Variants in ROBO2 observed in about 807,000 individuals in gnomAD.
ROBO2 encodes roundabout homolog 2.
In ROBO2, 53 loss-of-function variants were observed where a neutral mutation model predicts 160.8. That is an observed-to-expected ratio of 0.33 (90% CI 0.26 to 0.41). The LOEUF (loss-of-function observed/expected upper bound fraction) is 0.41, where lower values mean the gene tolerates loss of function less well. Ranked by LOEUF, ROBO2 falls within the 10% of genes least tolerant of loss-of-function variation. ROBO2 has a pLI of 1.00. For synonymous variants in ROBO2, 664 were observed against 611.7 expected, an observed-to-expected ratio of 1.09 and a Z score of -1.26; for missense variants, 1,577 against 1,722.4, an observed-to-expected ratio of 0.92 and a Z score of 1.49.
intron 2 of ROBO2, among the ~76,000 whole-genome samples, chr3:76,647,211 G>T (rs1180441758): frequency 6.6e-6 from 1 of 152,162 alleles, no homozygotes; most frequent in African/African-American, 2.4e-5. Flanking sequence ...TCTGAGGGGG[G>T]CTATGATGTA....
intron 2 of ROBO2, among the ~76,000 whole-genome samples, chr3:77,016,744 T>C (rs1317033094): frequency 6.6e-6 from 1 of 151,554 alleles, no homozygotes; most frequent in East Asian, 1.9e-4. Flanking sequence ...CCGCCAGGAG[T>C]GTTAGGGGGA....
intron 2 of ROBO2, among the ~76,000 whole-genome samples, chr3:76,246,093 C>G (rs965501664): frequency 6.6e-6 from 1 of 151,774 alleles, no homozygotes; most frequent in African/African-American, 2.4e-5. Context: ...AACACACTTT[C>G]TAGGTGGTAT....
intron 2 of ROBO2, among the ~76,000 whole-genome samples, chr3:76,124,105 A>T (rs1468514110): frequency 3.7e-5 from 2 of 53,952 alleles, no homozygotes; most frequent in Admixed American, 1.4e-4. Context: ...AAGAAAGATG[A>T]ATAAGAGAAT....
chr3:76,196,175 G>A (rs1702253216), intron 2 of ROBO2, among the ~76,000 whole-genome samples: 1 of 152,078 alleles, frequency 6.6e-6, no homozygotes, highest in Non-Finnish European at 1.5e-5. Flanking sequence ...TAGCCAAGAA[G>A]CTAAAATGTT....
At chr3:77,097,248 T>A (rs1367756213) in intron 1 of ROBO2, among the ~76,000 whole-genome samples, 3 of 152,194 alleles carry the variant, frequency 2.0e-5, no homozygotes, top group Non-Finnish European at 4.4e-5. Flanking sequence ...GGCATGATGC[T>A]TTTTTCTTTT....
At chr3:77,636,449 G>A in intron 24 of ROBO2, among the ~76,000 whole-genome samples, 1 of 152,082 alleles carries the variant, frequency 6.6e-6, no homozygotes, top group East Asian at 1.9e-4. Flanking sequence ...AAAATTAGCT[G>A]GGCGTGGTTG....
chr3:77,452,797 A>G (rs1165966566), intron 2 of ROBO2, among the ~76,000 whole-genome samples: 1 of 152,208 alleles, frequency 6.6e-6, no homozygotes, highest in Non-Finnish European at 1.5e-5. Flanking sequence ...GCAGAATTTA[A>G]TTATAGAAAT....
intron 2 of ROBO2, among the ~76,000 whole-genome samples, chr3:76,646,323 AAAG>A (rs1311259783): frequency 6.6e-6 from 1 of 152,194 alleles, no homozygotes; most frequent in Non-Finnish European, 1.5e-5. Context: ...AAGATGCCGA[AAAG>A]AAGGTTACTG....
At position 77,101,204 on chromosome 3, in the gene ROBO2, A is replaced by C. The variant is rs538314677; in HGVS notation, c.388+2864A>C. On this transcript the variant is annotated intron_variant, in intron 2 of 25. Transcript: ENST00000461745. ...GATTCTGAACTGAACATAGCAGTGA[A>C]GATTGAAAGGAGGAAACAGCTTGAA... 2.0e-5 allele frequency among the ~76,000 whole-genome samples: 3 copies of C among 152,360 alleles called. No individual in the cohort carries two copies. In the East Asian group the frequency reaches 5.8e-4, roughly 29 times the overall value.
At chr3:77,273,969 C>A (rs1041151889) in intron 2 of ROBO2, among the ~76,000 whole-genome samples, 1 of 147,294 alleles carries the variant, frequency 6.8e-6, no homozygotes, top group African/African-American at 2.4e-5. Flanking sequence ...CTAACCTAGA[C>A]AAGTTGATAC....
chr3:77,014,347 G>A (rs1399616177), intron 2 of ROBO2, among the ~76,000 whole-genome samples: 1 of 152,098 alleles, frequency 6.6e-6, no homozygotes, highest in Non-Finnish European at 1.5e-5. Flanking sequence ...GAAGACCCTG[G>A]TAAAACTCTG....
intron 2 of ROBO2, among the ~76,000 whole-genome samples, chr3:76,365,358 C>T (rs531031031): frequency 6.6e-6 from 1 of 152,154 alleles, no homozygotes; most frequent in South Asian, 2.1e-4. Flanking sequence ...TGTCCTCTTT[C>T]CTCTGAGCCT....
intron 2 of ROBO2, among the ~76,000 whole-genome samples, chr3:77,384,291 A>C (rs371152521): frequency 1.3e-5 from 2 of 152,188 alleles, no homozygotes; most frequent in Non-Finnish European, 2.9e-5. Context: ...GATTAAGCTT[A>C]GTCCTCAATG....
chr3:76,211,713 T>C (rs953117518), intron 2 of ROBO2, among the ~76,000 whole-genome samples: 2 of 152,100 alleles, frequency 1.3e-5, no homozygotes, highest in African/African-American at 4.8e-5. Context: ...CTGAAGTGTA[T>C]ACATTTTTTG....
At chr3:75,919,189 CTT>C (rs1160742344) in intron 1 of ROBO2, among the ~76,000 whole-genome samples, 1 of 152,086 alleles carries the variant, frequency 6.6e-6, no homozygotes, top group Non-Finnish European at 1.5e-5. Flanking sequence ...ATAAATAGCT[CTT>C]ATTATTTTGA....
At chr3:77,208,122 G>A (rs2083655347) in intron 2 of ROBO2, among the ~76,000 whole-genome samples, 1 of 152,094 alleles carries the variant, frequency 6.6e-6, no homozygotes, top group South Asian at 2.1e-4. Flanking sequence ...TAAACCATTT[G>A]ACAAGCCTCT....
chr3:77,055,286 G>A (rs534456786), intron 1 of ROBO2, among the ~76,000 whole-genome samples: 2 of 152,196 alleles, frequency 1.3e-5, no homozygotes, highest in Non-Finnish European at 1.5e-5. Context: ...GATATTAGGG[G>A]TGTCTATATA....
chr3:76,264,864 G>GA, intron 2 of ROBO2, among the ~76,000 whole-genome samples: 1 of 152,160 alleles, frequency 6.6e-6, no homozygotes, highest in South Asian at 2.1e-4. Context: ...TTAAAATCCA[G>GA]AAAGCTGGCC....
intron 2 of ROBO2, among the ~76,000 whole-genome samples, chr3:77,230,147 G>A (rs1455652111): frequency 1.3e-5 from 2 of 151,998 alleles, no homozygotes; most frequent in Non-Finnish European, 2.9e-5. Context: ...GAGTGCAGTG[G>A]CATAAGCTCA....
Sources: allele counts gnomAD v4.1 joint callset (sites outside exome capture counted in the v4.1 genomes callset), GRCh38; gene constraint gnomAD v4.1.1; transcripts MANE v1.5; gene names NCBI Gene and HGNC (gene_info 2026-07-23, HGNC 2026-07-21).